Variants in TBCK observed in about 807,000 individuals in gnomAD.
The protein encoded by TBCK is TBC domain-containing protein kinase-like protein.
In TBCK, 99 loss-of-function variants were observed where a neutral mutation model predicts 113.4. The observed-to-expected ratio is 0.87, with a 90% confidence interval of 0.74 to 1.03. The LOEUF is 1.03. Ranked by LOEUF, TBCK falls within the 50% of genes least tolerant of loss-of-function variation. The probability of loss-of-function intolerance (pLI) is 0.00; values close to 1 mark genes in which losing one functional copy is unlikely to be tolerated. For synonymous variants in TBCK, 369 were observed against 370.8 expected (o/e 1.00, Z 0.05); for missense variants, 1,045 against 1,061.3 (o/e 0.98, Z 0.21).
chr4:106,300,046 C>T (rs912753423), intron 2 of TBCK, among the ~76,000 whole-genome samples: 3 of 152,050 alleles, frequency 2.0e-5, no homozygotes, highest in Admixed American at 2.0e-4. Flanking sequence ...GAGGTCTTTC[C>T]CATGCTGTTC....
chr4:106,043,286 G>T lies in TBCK; in HGVS notation c.*3284C>A, dbSNP rs745671107. The T allele has an allele frequency of 2.0e-5, 3 of 151,836 alleles. No individual in the cohort carries two copies. Among genetic ancestry groups the T allele is most frequent in the Non-Finnish European group, 2.9e-5 (2 of 67,974 alleles). 9.4% of individuals were successfully genotyped at this position (151,836 alleles called of 1,614,324 possible). A position where few individuals can be genotyped will look rare whatever the true frequency, so the allele number is the denominator to read the frequency against. ...TCTGCTCCAACTTCTAGAATTATCA[G>T]ATTTTAGAGCTGGATGGGACTTTAG... On this transcript the variant is annotated 3_prime_UTR_variant, in exon 26 of 26. Coordinates refer to ENST00000394708, the MANE Select transcript of TBCK (RefSeq NM_001163435.3).
At chr4:106,293,349 T>C (rs1765922519) in intron 3 of TBCK, among the ~76,000 whole-genome samples, 1 of 152,166 alleles carries the variant, frequency 6.6e-6, no homozygotes, top group Non-Finnish European at 1.5e-5. Context: ...AGACTTTGGG[T>C]GTCACTGTCT....
At chr4:106,071,076 G>GT (rs1165834929) in intron 25 of TBCK, among the ~76,000 whole-genome samples, 4 of 152,034 alleles carry the variant, frequency 2.6e-5, no homozygotes, top group South Asian at 2.1e-4. Flanking sequence ...TTTTTGAAAG[G>GT]TTTTTTGTTT....
At chr4:106,166,566 G>T (rs886797471) in intron 23 of TBCK, among the ~76,000 whole-genome samples, 1 of 151,680 alleles carries the variant, frequency 6.6e-6, no homozygotes, top group African/African-American at 2.4e-5. Context: ...TGTCAGCCAG[G>T]TAGTGACCAC....
chr4:106,123,233 C>T (rs1305446605), intron 23 of TBCK, among the ~76,000 whole-genome samples: 1 of 152,126 alleles, frequency 6.6e-6, no homozygotes, highest in Non-Finnish European at 1.5e-5. Flanking sequence ...ACACCAACAA[C>T]AAACAGAGAG....
intron 25 of TBCK, among the ~76,000 whole-genome samples, chr4:106,051,505 G>A (rs1734809351): frequency 6.6e-6 from 1 of 151,364 alleles, no homozygotes. Context: ...TAAAGAAACT[G>A]GCAATTATCC....
At chr4:106,059,602 C>T (rs953499440) in intron 25 of TBCK, among the ~76,000 whole-genome samples, 5 of 151,666 alleles carry the variant, frequency 3.3e-5, no homozygotes, top group Admixed American at 3.3e-4. Context: ...CTGTTTCTCT[C>T]CTTCTCCTTA....
intron 23 of TBCK, among the ~76,000 whole-genome samples, chr4:106,130,435 G>T (rs1745749504): frequency 6.6e-6 from 1 of 151,912 alleles, no homozygotes. Context: ...CTCATGTAAA[G>T]AAATCCCATT....
chr4:106,307,858 C>T (rs537125821), intron 2 of TBCK, among the ~76,000 whole-genome samples: 11 of 152,090 alleles, frequency 7.2e-5, no homozygotes, highest in South Asian at 2.1e-4. Context: ...CTACTAAAAA[C>T]GCAGTAAACA....
At chr4:106,096,732 A>T (rs1259581435) in intron 24 of TBCK, among the ~76,000 whole-genome samples, 5 of 152,198 alleles carry the variant, frequency 3.3e-5, no homozygotes. Flanking sequence ...AGGCTGAGCC[A>T]ATGAGATTCT....
intron 2 of TBCK, among the ~76,000 whole-genome samples, chr4:106,295,958 C>A (rs1766255873): frequency 6.6e-6 from 1 of 152,016 alleles, no homozygotes; most frequent in Admixed American, 6.5e-5. Flanking sequence ...GAAAAAAATG[C>A]ATATTTAAGT....
At chr4:106,231,927 T>C in intron 17 of TBCK, 148 bp from the exon 18 acceptor site, 1 of 725,276 alleles carries the variant, frequency 1.4e-6, no homozygotes, top group Non-Finnish European at 2.3e-6. Context: ...CTTCATGAGT[T>C]ACTGTGGGGA....
chr4:106,292,699 G>A (rs1359925995), intron 3 of TBCK, among the ~76,000 whole-genome samples: 1 of 152,140 alleles, frequency 6.6e-6, no homozygotes, highest in Non-Finnish European at 1.5e-5. Flanking sequence ...TGGATCACTG[G>A]CCAGAGTTTT....
intron 19 of TBCK, 104 bp from the exon 20 acceptor site, chr4:106,212,939 C>A: frequency 1.4e-6 from 1 of 725,778 alleles, no homozygotes; most frequent in Non-Finnish European, 2.3e-6. Context: ...TTTAATTTCT[C>A]CATGAGAATA....
At chr4:106,120,314 T>TA (rs1432948039) in intron 23 of TBCK, among the ~76,000 whole-genome samples, 1 of 152,006 alleles carries the variant, frequency 6.6e-6, no homozygotes, top group Non-Finnish European at 1.5e-5. Flanking sequence ...CGGAGGGTCT[T>TA]ACGCCCACAG....
chr4:106,173,846 T>A (rs948545888), intron 22 of TBCK, among the ~76,000 whole-genome samples: 9 of 148,444 alleles, frequency 6.1e-5, no homozygotes, highest in Non-Finnish European at 1.3e-4. Context: ...TCTCATTACA[T>A]GGCACTACTG....
intron 5 of TBCK, among the ~76,000 whole-genome samples, chr4:106,254,038 G>A (rs543621811): frequency 3.9e-5 from 6 of 152,192 alleles, no homozygotes; most frequent in African/African-American, 7.2e-5. Flanking sequence ...ATAGCACCAC[G>A]TATGTGATGT....
chr4:106,147,595 T>C (rs1747958062), intron 23 of TBCK, among the ~76,000 whole-genome samples: 1 of 152,184 alleles, frequency 6.6e-6, no homozygotes, highest in South Asian at 2.1e-4. Context: ...TCATGGACAC[T>C]TATCACTTCC....
chr4:106,211,199 C>G (rs192666777), intron 20 of TBCK, among the ~76,000 whole-genome samples: 17 of 152,146 alleles, frequency 1.1e-4, no homozygotes, highest in African/African-American at 1.7e-4. Flanking sequence ...ATTTTAAATA[C>G]TTAATATTCT....
Sources: gnomAD v4.1 joint callset for allele counts (sites outside exome capture counted in the v4.1 genomes callset) on GRCh38, gnomAD v4.1.1 for gene constraint, MANE v1.5 for transcripts, NCBI Gene and HGNC (gene_info 2026-07-23, HGNC 2026-07-21) for gene names.